SUCLA2: variants seen among roughly 807,000 people sequenced by gnomAD.
SUCLA2 encodes the protein succinate--CoA ligase [ADP-forming] subunit beta, mitochondrial.
Under a neutral mutation model 54.8 loss-of-function variants are expected in SUCLA2, and 30 were observed. The ratio of observed to expected loss-of-function variants is 0.55; its 90% CI spans 0.41 to 0.74. The LOEUF (loss-of-function observed/expected upper bound fraction) is 0.74. Among genes scored for constraint, SUCLA2 ranks in the 30% least tolerant of loss-of-function variants. SUCLA2 has a pLI of 0.00. For missense variants in SUCLA2, 476 were observed against 562.9 expected (o/e 0.85, Z 1.56); for synonymous variants, 172 against 188.9 (o/e 0.91, Z 0.74).
chr13:47,979,752 T>C (rs928892496), intron 4 of SUCLA2, among the ~76,000 whole-genome samples: 5 of 152,146 alleles, frequency 3.3e-5, no homozygotes, highest in African/African-American at 1.2e-4. Flanking sequence ...GCCGCTTCTG[T>C]TCAACACAGC....
At position 47,957,892 on chromosome 13, in the gene SUCLA2, A is replaced by G. The variant is rs540364825; in HGVS notation, c.803-3335T>C. The stretch of plus-strand genomic sequence containing the variant: ...GCACCTCAAGTGTGTCAGTTTGGAC[A>G]CTTTTGGGGCTTGTTTGTTGCTGTA... On this transcript the variant is annotated intron_variant, in intron 6 of 10. Transcript: ENST00000646932. Among the ~76,000 whole-genome samples, 11 of 152,250 alleles carry G rather than the reference A, an allele frequency of 7.2e-5. No homozygotes were observed. The East Asian group carries it at 2.1e-3, about 29-fold the overall frequency.
At chr13:47,995,275 T>C (rs1263133848) in intron 2 of SUCLA2, among the ~76,000 whole-genome samples, 2 of 150,532 alleles carry the variant, frequency 1.3e-5, no homozygotes, top group Non-Finnish European at 2.9e-5. Flanking sequence ...TCAGGTCCCA[T>C]TAACATTAAC....
rs1442643882 is a variant in SUCLA2, at chr13:48,001,171, A to C, written c.90+9T>G. ...ACCCTCGAGACGACAGCGGACTGGA[A>C]GGCATTACCTGAGCAGCAGCCCGCT... On this transcript the variant is annotated intron_variant, in intron 1 of 10. Transcript: ENST00000646932. 4.4e-6 allele frequency: 7 copies of C among 1,607,146 alleles called. No individual in the cohort carries two copies. The highest frequency in any genetic ancestry group is 8.5e-7 in the Non-Finnish European group (1 of 1,177,398).
At chr13:47,956,874 T>C (rs1009404588) in intron 6 of SUCLA2, 1 of 152,190 alleles carries the variant, frequency 6.6e-6, no homozygotes, top group Non-Finnish European at 1.5e-5. Context: ...TTGGTAAATC[T>C]TCATCTATGG....
chr13:47,950,302 T>A (rs1348614792), intron 8 of SUCLA2, among the ~76,000 whole-genome samples: 2 of 152,156 alleles, frequency 1.3e-5, no homozygotes, highest in Non-Finnish European at 2.9e-5. Flanking sequence ...GGAGGGCTAG[T>A]GTGGGGATCC....
chr13:47,988,184 G>A (rs1000257562), intron 4 of SUCLA2: 7 of 271,834 alleles, frequency 2.6e-5, no homozygotes, highest in African/African-American at 1.5e-4. Context: ...TCTTCTAGTG[G>A]GTTCAGCAAC....
chr13:47,965,416 GA>G (rs1220704531), intron 6 of SUCLA2, among the ~76,000 whole-genome samples: 4 of 126,688 alleles, frequency 3.2e-5, no homozygotes, highest in South Asian at 5.1e-4. Context: ...CACTATGAAG[GA>G]AAAAAAAACC....
At chr13:47,959,375 A>G (rs1204191178) in intron 6 of SUCLA2, among the ~76,000 whole-genome samples, 1 of 64,952 alleles carries the variant, frequency 1.5e-5, no homozygotes, top group Non-Finnish European at 3.3e-5. Context: ...GTCCTGGAGT[A>G]AAATGATGTT....
intron 2 of SUCLA2, among the ~76,000 whole-genome samples, chr13:47,995,374 G>C (rs1950183320): frequency 6.6e-6 from 1 of 152,014 alleles, no homozygotes; most frequent in African/African-American, 2.4e-5. Context: ...TTAATAAAAA[G>C]TTTGCTTGTA....
At chr13:47,979,663 C>G (rs188057594) in intron 4 of SUCLA2, among the ~76,000 whole-genome samples, 1 of 152,280 alleles carries the variant, frequency 6.6e-6, no homozygotes, top group Admixed American at 6.5e-5. Flanking sequence ...AGAAAACTTA[C>G]AGCCAACATC....
chr13:47,987,243 T>A (rs1950111164), intron 4 of SUCLA2, among the ~76,000 whole-genome samples: 1 of 152,148 alleles, frequency 6.6e-6, no homozygotes, highest in Non-Finnish European at 1.5e-5. Context: ...GTATCCTACC[T>A]TTACTACAAT....
intron 4 of SUCLA2, among the ~76,000 whole-genome samples, chr13:47,977,760 C>T (rs1355929075): frequency 2.6e-5 from 4 of 152,058 alleles, no homozygotes; most frequent in Non-Finnish European, 5.9e-5. Context: ...CTGAAGGAAA[C>T]AACCTCAATA....
intron 1 of SUCLA2, among the ~76,000 whole-genome samples, chr13:47,997,386 C>G (rs1011140928): frequency 9.2e-5 from 14 of 152,170 alleles, no homozygotes; most frequent in Non-Finnish European, 1.9e-4. Flanking sequence ...CTCTACCATT[C>G]CTCCACACCT....
At chr13:47,984,754 C>T (rs984979916) in intron 4 of SUCLA2, among the ~76,000 whole-genome samples, 3 of 149,980 alleles carry the variant, frequency 2.0e-5, no homozygotes, top group East Asian at 2.0e-4. Context: ...CCAGCCTGGG[C>T]GACAGAGCAA....
chr13:47,979,744 C>T (rs866220223), intron 4 of SUCLA2, among the ~76,000 whole-genome samples: 8 of 152,248 alleles, frequency 5.3e-5, no homozygotes, highest in Non-Finnish European at 8.8e-5. Context: ...CCACTCTTGC[C>T]GCTTCTGTTC....
chr13:47,994,567 C>CAAAAA (rs777506622), intron 2 of SUCLA2, among the ~76,000 whole-genome samples: 2 of 44,874 alleles, frequency 4.5e-5, no homozygotes, highest in African/African-American at 1.6e-4. Flanking sequence ...GACTCCGTCT[C>CAAAAA]AAAAAAAAAA....
intron 6 of SUCLA2, among the ~76,000 whole-genome samples, chr13:47,967,479 C>G (rs1322558886): frequency 6.6e-6 from 1 of 151,596 alleles, no homozygotes; most frequent in Non-Finnish European, 1.5e-5. Context: ...AAGAAAAAAA[C>G]AGAACACATT....
intron 10 of SUCLA2, among the ~76,000 whole-genome samples, chr13:47,947,299 A>C (rs1026811913): frequency 1.0e-4 from 15 of 149,174 alleles, no homozygotes; most frequent in African/African-American, 1.7e-4. Flanking sequence ...ACACACACAC[A>C]CCTGAAAACA....
At chr13:47,959,000 G>C (rs1949844225) in intron 6 of SUCLA2, among the ~76,000 whole-genome samples, 1 of 152,204 alleles carries the variant, frequency 6.6e-6, no homozygotes, top group South Asian at 2.1e-4. Context: ...AGTTAAGAAA[G>C]GGTTGTGATA....
Sources: allele counts gnomAD v4.1 joint callset (sites outside exome capture counted in the v4.1 genomes callset), GRCh38; gene constraint gnomAD v4.1.1; transcripts MANE v1.5; gene names NCBI Gene and HGNC (gene_info 2026-07-23, HGNC 2026-07-21).